Variants in SHB observed in about 807,000 individuals in gnomAD.
SHB encodes SH2 domain containing adaptor protein B, also known as SH2 domain-containing adapter protein B.
SHB carries 20 observed loss-of-function variants against 52.3 expected under a neutral mutation model. That is an observed-to-expected ratio of 0.38 (90% CI 0.27 to 0.56). The LOEUF (loss-of-function observed/expected upper bound fraction) is 0.56, where lower values mean the gene tolerates loss of function less well. Among genes scored for constraint, SHB ranks in the 20% least tolerant of loss-of-function variants. The probability of loss-of-function intolerance (pLI) is 0.71; values close to 1 mark genes in which losing one functional copy is unlikely to be tolerated. For synonymous variants in SHB, 397 were observed against 316.5 expected (o/e 1.25, Z -2.70); for missense variants, 825 against 723.3 (o/e 1.14, Z -1.61).
At chr9:38,059,942 C>T (rs1229781455) in intron 1 of SHB, among the ~76,000 whole-genome samples, 1 of 152,166 alleles carries the variant, frequency 6.6e-6, no homozygotes, top group African/African-American at 2.4e-5. Flanking sequence ...TGTGAAAGTG[C>T]CCTTTAAGCT....
chr9:37,962,928 C>T (rs1832709463), intron 3 of SHB, among the ~76,000 whole-genome samples: 1 of 152,166 alleles, frequency 6.6e-6, no homozygotes, highest in South Asian at 2.1e-4. Context: ...TATTACTGCC[C>T]TCGTTTTTAA....
At chr9:37,964,583 G>A (rs535120647) in intron 3 of SHB, among the ~76,000 whole-genome samples, 4 of 152,172 alleles carry the variant, frequency 2.6e-5, no homozygotes, top group Non-Finnish European at 5.9e-5. Flanking sequence ...ATGCAGATGG[G>A]AAATGGAGGG....
intron 1 of SHB, among the ~76,000 whole-genome samples, chr9:38,025,084 A>G (rs1177212624): frequency 1.3e-5 from 2 of 152,216 alleles, no homozygotes; most frequent in African/African-American, 2.4e-5. Flanking sequence ...TTCAATGCCT[A>G]TACCACTAAC....
chr9:37,952,504 G>A (rs1295062671), intron 4 of SHB, among the ~76,000 whole-genome samples: 1 of 152,212 alleles, frequency 6.6e-6, no homozygotes. Flanking sequence ...TTCATCCACA[G>A]CAATAAGAGT....
At chr9:38,066,827 T>C (rs1168600673) in intron 1 of SHB, among the ~76,000 whole-genome samples, 1 of 151,994 alleles carries the variant, frequency 6.6e-6, no homozygotes, top group Non-Finnish European at 1.5e-5. Flanking sequence ...GGACATCCAG[T>C]CCTAAAAGGA....
chr9:38,028,804 A>G (rs1326991976), intron 1 of SHB, among the ~76,000 whole-genome samples: 1 of 152,254 alleles, frequency 6.6e-6, no homozygotes, highest in Non-Finnish European at 1.5e-5. Context: ...ATAACATCAA[A>G]GAAATGTGTT....
chr9:37,980,423 T>G (rs1189580991), intron 2 of SHB, among the ~76,000 whole-genome samples: 3 of 152,246 alleles, frequency 2.0e-5, no homozygotes, highest in African/African-American at 7.2e-5. Flanking sequence ...GATCATAAGA[T>G]TCCTGCAATT....
chr9:38,052,308 T>C (rs1331858466), intron 1 of SHB, among the ~76,000 whole-genome samples: 2 of 152,114 alleles, frequency 1.3e-5, no homozygotes, highest in African/African-American at 4.8e-5. Context: ...GCAGTCTGAC[T>C]TGTACAAGGC....
chr9:38,068,967 T>A lies in SHB; in HGVS notation c.-322A>T, dbSNP rs1019804408. ...CGAGCGCTCCACGCCGCGGACCCTTTGGCCGTACGCCCCTCGCCGTGGATC... is the reference window on the plus strand; with the variant it reads ...CGAGCGCTCCACGCCGCGGACCCTTAGGCCGTACGCCCCTCGCCGTGGATC... On this transcript the variant is annotated 5_prime_UTR_variant, in exon 1 of 6. Transcript: ENST00000377707. The A allele has an allele frequency of 6.6e-6, 1 of 151,440 alleles. No individual in the cohort carries two copies. The highest frequency in any genetic ancestry group is 6.6e-5 in the Admixed American group (1 of 15,244). The allele number at this position is 151,440 out of a possible 1,614,324, so 9.4% of individuals were successfully genotyped here.
chr9:38,061,521 C>A (rs1222486799), intron 1 of SHB, among the ~76,000 whole-genome samples: 2 of 152,174 alleles, frequency 1.3e-5, no homozygotes, highest in Admixed American at 1.3e-4. Flanking sequence ...ACAAGCTAAG[C>A]TAATCAGGGG....
At chr9:37,935,380 C>T (rs753092086) in intron 5 of SHB, among the ~76,000 whole-genome samples, 4 of 152,168 alleles carry the variant, frequency 2.6e-5, no homozygotes, top group South Asian at 2.1e-4. Flanking sequence ...GTGGGGCATA[C>T]GCCTTTAGTG....
chr9:38,028,070 C>T (rs1302485793), intron 1 of SHB, among the ~76,000 whole-genome samples: 4 of 152,120 alleles, frequency 2.6e-5, no homozygotes, highest in East Asian at 1.9e-4. Context: ...TTGGAGACTG[C>T]GCAGAATCAC....
chr9:37,982,979 C>CCCG lies in SHB; in HGVS notation c.839-8143_839-8142insCGG, dbSNP rs1554702659. On this transcript the variant is annotated intron_variant, in intron 2 of 5. Coordinates refer to ENST00000377707, the MANE Select transcript of SHB (RefSeq NM_003028.3). ...ATCAGCAGGCCTCTCTGGTGCCCCC[C>CCCG]CCTCCATCTTTTCCAGCTGTGCTGG... Among the ~76,000 whole-genome samples the CCCG allele has an allele frequency of 3.3e-4, 50 of 151,400 alleles. 1 individual carries two copies. Among genetic ancestry groups the CCCG allele is most frequent in the Non-Finnish European group, 6.6e-4 (45 of 67,818 alleles).
rs772128240 is a variant in SHB, at chr9:38,001,808, G to A, written c.838+14203C>T. ...ATGGAGTTAGAACAATGACTTGAGC[G>A]CTTGGCAGTTCACCCACACTTACCC... On this transcript the variant is annotated intron_variant, in intron 2 of 5. Coordinates refer to ENST00000377707, the MANE Select transcript of SHB (RefSeq NM_003028.3). 7.2e-5 allele frequency among the ~76,000 whole-genome samples: 11 copies of A among 152,306 alleles called. No individual in the cohort carries two copies. The South Asian group carries it at 1.0e-3, about 14-fold the overall frequency.
chr9:37,925,184 A>T (rs1832233536), intron 5 of SHB, among the ~76,000 whole-genome samples: 1 of 152,228 alleles, frequency 6.6e-6, no homozygotes, highest in East Asian at 1.9e-4. Flanking sequence ...AGCCGGGGCA[A>T]TGAGGCCCCA....
intron 4 of SHB, 60 bp downstream of exon 4, chr9:37,955,823 G>C: frequency 3.3e-6 from 5 of 1,520,938 alleles, no homozygotes; most frequent in Non-Finnish European, 4.5e-6. Flanking sequence ...TGACATGAAA[G>C]AGAGGGCAAA....
At chr9:37,964,750 C>A (rs1436865692) in intron 3 of SHB, among the ~76,000 whole-genome samples, 7 of 152,254 alleles carry the variant, frequency 4.6e-5, no homozygotes, top group African/African-American at 1.7e-4. Context: ...CACAGTGATA[C>A]ATCTATGAGC....
intron 2 of SHB, chr9:38,015,364 T>C (rs949473942): frequency 2.9e-6 from 2 of 700,870 alleles, no homozygotes; most frequent in South Asian, 3.0e-5. Flanking sequence ...GCCCCCAGGA[T>C]GCTGCATACC....
chr9:38,059,897 C>T (rs556591900), intron 1 of SHB, among the ~76,000 whole-genome samples: 12 of 152,314 alleles, frequency 7.9e-5, no homozygotes, highest in Admixed American at 1.3e-4. Flanking sequence ...GCCCATTCCT[C>T]GCAGAGTGGC....
Sources: gnomAD v4.1 joint callset for allele counts (sites outside exome capture counted in the v4.1 genomes callset) on GRCh38, gnomAD v4.1.1 for gene constraint, MANE v1.5 for transcripts, NCBI Gene and HGNC (gene_info 2026-07-23, HGNC 2026-07-21) for gene names.